Variants in SEMA5A observed in about 807,000 individuals in gnomAD.
SEMA5A encodes the protein semaphorin-5A.
SEMA5A carries 55 observed loss-of-function variants against 135.5 expected under a neutral mutation model. The observed-to-expected ratio is 0.41, with a 90% CI of 0.33 to 0.51. The LOEUF (loss-of-function observed/expected upper bound fraction) is 0.51. Among genes scored for constraint, SEMA5A ranks in the 20% least tolerant of loss-of-function variants. SEMA5A has a pLI of 0.37. For synonymous variants in SEMA5A, 580 were observed against 546.5 expected (o/e 1.06, Z -0.85); for missense variants, 1,290 against 1,419.9 (o/e 0.91, Z 1.47).
At chr5:9,429,823 G>C (rs1757793104) in intron 2 of SEMA5A, among the ~76,000 whole-genome samples, 1 of 152,196 alleles carries the variant, frequency 6.6e-6, no homozygotes, top group Non-Finnish European at 1.5e-5. Context: ...AGAGAAGAGA[G>C]AGGATGAGGA....
At chr5:9,105,136 C>T (rs957867808) in intron 16 of SEMA5A, among the ~76,000 whole-genome samples, 1 of 152,188 alleles carries the variant, frequency 6.6e-6, no homozygotes, top group Non-Finnish European at 1.5e-5. Context: ...ATCAGCTCCC[C>T]GAACTAATCC....
intron 5 of SEMA5A, among the ~76,000 whole-genome samples, chr5:9,302,345 A>C (rs1476761970): frequency 6.6e-6 from 1 of 152,178 alleles, no homozygotes; most frequent in African/African-American, 2.4e-5. Context: ...ATCCCAGAAA[A>C]ATAAATAAGG....
chr5:9,157,644 A>G (rs1393295567), intron 11 of SEMA5A, among the ~76,000 whole-genome samples: 1 of 152,028 alleles, frequency 6.6e-6, no homozygotes, highest in Non-Finnish European at 1.5e-5. Context: ...TGGTGGCCCC[A>G]TGCTCCTTCA....
chr5:9,213,103 C>T lies in SEMA5A; in HGVS notation c.647-10863G>A, dbSNP rs546884039. Among the ~76,000 whole-genome samples the T allele has an allele frequency of 3.9e-5, 6 of 152,250 alleles. No individual in the cohort carries two copies. In the South Asian group the frequency reaches 6.2e-4, roughly 16 times the overall value. On this transcript the variant is annotated intron_variant, in intron 8 of 22. Coordinates refer to ENST00000382496, the MANE Select transcript of SEMA5A (RefSeq NM_003966.3). ...GGAGCTCTCCGGGGTCTTGTTTACT[C>T]GGGCACGAATCCCATTCATGAGGGA...
At chr5:9,309,815 C>T (rs546992869) in intron 5 of SEMA5A, among the ~76,000 whole-genome samples, 23 of 119,512 alleles carry the variant, frequency 1.9e-4, no homozygotes, top group East Asian at 9.8e-4. Context: ...TCTTCCAGAA[C>T]GTTATTTAAA....
At chr5:9,344,357 G>A (rs1352693043) in intron 3 of SEMA5A, among the ~76,000 whole-genome samples, 2 of 152,116 alleles carry the variant, frequency 1.3e-5, no homozygotes, top group Admixed American at 6.5e-5. Flanking sequence ...ATAAGACACA[G>A]ATTAAAAATC....
At chr5:9,451,363 AC>A (rs1758638825) in intron 1 of SEMA5A, among the ~76,000 whole-genome samples, 1 of 152,164 alleles carries the variant, frequency 6.6e-6, no homozygotes, top group African/African-American at 2.4e-5. Flanking sequence ...AGATGACAAA[AC>A]CCATCATTAG....
At chr5:9,044,779 GATTATT>G (rs372233462) in intron 21 of SEMA5A, among the ~76,000 whole-genome samples, 195 bp from the exon 22 acceptor site, 4 of 151,758 alleles carry the variant, frequency 2.6e-5, no homozygotes, top group African/African-American at 7.3e-5. Context: ...GGGAGCACAG[GATTATT>G]ATTATTATTA....
chr5:9,321,326 G>A (rs887138210), intron 4 of SEMA5A, among the ~76,000 whole-genome samples: 11 of 152,166 alleles, frequency 7.2e-5, no homozygotes, highest in East Asian at 1.9e-4. Flanking sequence ...AGTACATAGC[G>A]GCACCAGGGA....
chr5:9,136,505 G>A lies in SEMA5A; in HGVS notation c.1598C>T (p.Pro533Leu), dbSNP rs144473454. 593 of 1,612,412 alleles carry A rather than the reference G, an allele frequency of 3.7e-4. No individual in the cohort carries two copies. The highest frequency in any genetic ancestry group is 4.9e-4 in the Non-Finnish European group (572 of 1,178,556). The change falls in exon 13 of 23, where the codon CCG becomes CTG. Residue 533 changes from proline (P) to leucine (L), a missense_variant and splice_region_variant. Physicochemically the swap from Pro to Leu is moderately conservative, Grantham distance 98. Transcript: ENST00000382496. ...AGGATGGAGAAGGTGGGCACTCACC[G>A]GACACGCAGAGATGCTCTGTTCCCA... ...TQWEQSISACPTRNLTVDGHF... is the reference protein window; with the variant it reads ...TQWEQSISACLTRNLTVDGHF...
intron 1 of SEMA5A, among the ~76,000 whole-genome samples, chr5:9,507,644 G>A (rs960566666): frequency 6.6e-6 from 1 of 152,192 alleles, no homozygotes; most frequent in Non-Finnish European, 1.5e-5. Context: ...GCTGAATGGT[G>A]ACCCAGGCAG....
intron 3 of SEMA5A, among the ~76,000 whole-genome samples, chr5:9,361,915 A>G (rs1225294275): frequency 6.6e-6 from 1 of 152,188 alleles, no homozygotes; most frequent in Non-Finnish European, 1.5e-5. Context: ...AACTGAGAAC[A>G]CTGCCATGGG....
At chr5:9,053,047 A>G (rs1025638690) in intron 19 of SEMA5A, among the ~76,000 whole-genome samples, 2 of 152,230 alleles carry the variant, frequency 1.3e-5, no homozygotes, top group Admixed American at 6.5e-5. Flanking sequence ...GGCCCTTTTC[A>G]ATATACATAG....
rs10037736 is a variant in SEMA5A, at chr5:9,320,945, G to C, written c.225-2528C>G. On this transcript the variant is annotated intron_variant, in intron 4 of 22. Coordinates refer to ENST00000382496, the MANE Select transcript of SEMA5A (RefSeq NM_003966.3). ...TTTCAGAAGCGGGGCTTACCAGTGT[G>C]ATATAGTTTGGCTGTGTCCCCACCC... Among the ~76,000 whole-genome samples, 1,325 of 152,196 alleles carry C rather than the reference G, an allele frequency of 8.7e-3. 18 individuals are homozygous for C. The highest frequency in any genetic ancestry group is 0.026 in the African/African-American group (1,087 of 41,522).
At chr5:9,308,408 A>G (rs993422725) in intron 5 of SEMA5A, among the ~76,000 whole-genome samples, 2 of 152,112 alleles carry the variant, frequency 1.3e-5, no homozygotes, top group Admixed American at 6.6e-5. Flanking sequence ...CAGCGGTTCT[A>G]TATATGCTCT....
chr5:9,381,942 T>TTG (rs148157627), intron 2 of SEMA5A, among the ~76,000 whole-genome samples: 10,551 of 109,042 alleles, frequency 0.097, 615 homozygotes, highest in East Asian at 0.22. Flanking sequence ...TAGAATCATT[T>TTG]TGTGTGTGTG....
intron 21 of SEMA5A, among the ~76,000 whole-genome samples, chr5:9,049,583 C>A (rs1202949749): frequency 6.6e-6 from 1 of 152,208 alleles, no homozygotes; most frequent in African/African-American, 2.4e-5. Context: ...GCCTGTTGGG[C>A]TGGGCTCTCT....
intron 8 of SEMA5A, among the ~76,000 whole-genome samples, chr5:9,203,727 G>T (rs1373476802): frequency 1.3e-5 from 2 of 152,180 alleles, no homozygotes; most frequent in East Asian, 3.9e-4. Flanking sequence ...TTAAGTCATT[G>T]AAGTATATCA....
intron 12 of SEMA5A, among the ~76,000 whole-genome samples, chr5:9,152,158 G>A (rs1180427081): frequency 6.6e-6 from 1 of 152,216 alleles, no homozygotes; most frequent in Admixed American, 6.5e-5. Flanking sequence ...TGTAAGCCAT[G>A]CACTCCCATT....
Sources: gnomAD v4.1 joint callset for allele counts (sites outside exome capture counted in the v4.1 genomes callset) on GRCh38, gnomAD v4.1.1 for gene constraint, MANE v1.5 for transcripts, NCBI Gene and HGNC (gene_info 2026-07-23, HGNC 2026-07-21) for gene names.